The following SGCZ variants were observed in gnomAD, a reference collection of about 807,000 sequenced individuals.
SGCZ encodes the protein sarcoglycan zeta, also known as zeta-sarcoglycan.
SGCZ carries 40 observed loss-of-function variants against 41.3 expected under a neutral mutation model. The ratio of observed to expected loss-of-function variants is 0.97; its 90% confidence interval spans 0.75 to 1.26. The LOEUF (loss-of-function observed/expected upper bound fraction) is 1.26. Ranked by LOEUF, SGCZ falls within the 50% of genes most tolerant of loss-of-function variation. The probability of loss-of-function intolerance (pLI) is 0.00; values close to 1 mark genes in which losing one functional copy is unlikely to be tolerated. For missense variants in SGCZ, 552 were observed against 369.8 expected, an observed-to-expected ratio of 1.49 and a Z score of -4.04; for synonymous variants, 206 against 137.5, an observed-to-expected ratio of 1.50 and a Z score of -3.49.
chr8:14,346,653 T>C lies in SGCZ; in HGVS notation c.235-22449A>G, dbSNP rs181546141. Among the ~76,000 whole-genome samples, 32 of 152,128 alleles carry C rather than the reference T, an allele frequency of 2.1e-4. No individual in the cohort carries two copies. The East Asian group carries it at 5.6e-3, about 27-fold the overall frequency. ...AAATATCACATGGAAAGTTTTACAA[T>C]AAAACAAAATAAAACTGAAGCTGTT... is the stretch of plus-strand genomic sequence containing the variant. On this transcript the variant is annotated intron_variant, in intron 2 of 7. Transcript: ENST00000382080.
At chr8:14,571,567 A>T (rs556963034) in intron 1 of SGCZ, among the ~76,000 whole-genome samples, 7 of 151,750 alleles carry the variant, frequency 4.6e-5, no homozygotes, top group South Asian at 2.1e-4. Context: ...CAATGTATAA[A>T]TTTTTTTTTC....
chr8:14,145,802 G>A (rs1290750331), intron 5 of SGCZ, among the ~76,000 whole-genome samples: 2 of 152,096 alleles, frequency 1.3e-5, no homozygotes, highest in Non-Finnish European at 1.5e-5. Flanking sequence ...AATGTAACTG[G>A]CATACTGAAG....
At chr8:15,227,872 T>C (rs1390242850) in intron 1 of SGCZ, among the ~76,000 whole-genome samples, 1 of 152,218 alleles carries the variant, frequency 6.6e-6, no homozygotes, top group African/African-American at 2.4e-5. Context: ...ACTCTGAGCA[T>C]GTTCACAGAT....
chr8:14,895,245 C>G (rs1474349428), intron 1 of SGCZ, among the ~76,000 whole-genome samples: 3 of 152,056 alleles, frequency 2.0e-5, no homozygotes, highest in African/African-American at 7.2e-5. Context: ...CAAATCCTAC[C>G]TCTGCCATGT....
intron 2 of SGCZ, among the ~76,000 whole-genome samples, chr8:14,513,674 T>C (rs960171987): frequency 3.3e-5 from 5 of 152,038 alleles, no homozygotes; most frequent in African/African-American, 4.8e-5. Context: ...AGTGATTTAA[T>C]AGGAAATAAA....
At chr8:14,201,351 C>A (rs1469316978) in intron 4 of SGCZ, among the ~76,000 whole-genome samples, 1 of 152,050 alleles carries the variant, frequency 6.6e-6, no homozygotes. Context: ...TATCAAGAAT[C>A]ACCAAAAAAG....
chr8:14,271,974 A>G (rs555239369), intron 3 of SGCZ, among the ~76,000 whole-genome samples: 2 of 152,232 alleles, frequency 1.3e-5, no homozygotes, highest in South Asian at 2.1e-4. Flanking sequence ...ATTTTCATAT[A>G]TTGCATGCTT....
At chr8:14,255,031 G>A (rs1012430816) in intron 3 of SGCZ, among the ~76,000 whole-genome samples, 2 of 152,090 alleles carry the variant, frequency 1.3e-5, no homozygotes, top group South Asian at 4.1e-4. Flanking sequence ...CTCTTCCAAT[G>A]GGCATGGAGG....
chr8:15,212,239 T>G (rs1250753676), intron 1 of SGCZ, among the ~76,000 whole-genome samples: 1 of 152,142 alleles, frequency 6.6e-6, no homozygotes, highest in Admixed American at 6.6e-5. Context: ...CTTATAATGA[T>G]TTAGCTACTC....
At chr8:14,660,554 G>C (rs1176200985) in intron 1 of SGCZ, among the ~76,000 whole-genome samples, 1 of 101,154 alleles carries the variant, frequency 9.9e-6, no homozygotes, top group Non-Finnish European at 1.8e-5. Context: ...CTGGGCAACA[G>C]AGCAAAAACT....
chr8:15,180,173 C>A (rs549468), intron 1 of SGCZ, among the ~76,000 whole-genome samples: 77,311 of 151,910 alleles, frequency 0.51, 20,414 homozygotes, highest in Non-Finnish European at 0.58. Flanking sequence ...CCTCTCATCC[C>A]GCAAAACTAA....
At chr8:14,945,389 T>C (rs1342170044) in intron 1 of SGCZ, among the ~76,000 whole-genome samples, 3 of 152,270 alleles carry the variant, frequency 2.0e-5, no homozygotes, top group Admixed American at 6.5e-5. Flanking sequence ...TACTCAATTA[T>C]AACTTATAAG....
chr8:14,929,045 G>T (rs1457035219), intron 1 of SGCZ, among the ~76,000 whole-genome samples: 25 of 152,072 alleles, frequency 1.6e-4, no homozygotes, highest in Admixed American at 1.6e-3. Flanking sequence ...AGACTGGAGT[G>T]CAGTGGCATG....
At chr8:14,576,336 G>T (rs1804711236) in intron 1 of SGCZ, among the ~76,000 whole-genome samples, 1 of 152,116 alleles carries the variant, frequency 6.6e-6, no homozygotes, top group African/African-American at 2.4e-5. Context: ...CCTGAAGTGA[G>T]CCCTCTAAAG....
At position 14,637,489 on chromosome 8, in the gene SGCZ, A is replaced by T. The variant is rs534291564; in HGVS notation, c.40-82563T>A. On this transcript the variant is annotated intron_variant, in intron 1 of 7. Coordinates refer to ENST00000382080, the MANE Select transcript of SGCZ (RefSeq NM_139167.4). ...TCTCTCCCTCCTACCTGCCTCTAGC[A>T]GTCACCAGTATCTATTGTTCCCATC... Among the ~76,000 whole-genome samples, 18 of 151,862 alleles carry T rather than the reference A, an allele frequency of 1.2e-4. No individual in the cohort carries two copies. In the Admixed American group the frequency reaches 1.2e-3, roughly 10 times the overall value.
chr8:14,188,958 C>G (rs978758138), intron 4 of SGCZ, among the ~76,000 whole-genome samples: 2 of 151,392 alleles, frequency 1.3e-5, no homozygotes, highest in Admixed American at 1.3e-4. Context: ...CGGGTTCAAG[C>G]AATTCTTCTG....
At chr8:14,957,302 T>G (rs1800822666) in intron 1 of SGCZ, among the ~76,000 whole-genome samples, 1 of 152,104 alleles carries the variant, frequency 6.6e-6, no homozygotes, top group Non-Finnish European at 1.5e-5. Context: ...CTTTTTAAAT[T>G]TAATGGTTAC....
intron 3 of SGCZ, among the ~76,000 whole-genome samples, chr8:14,275,169 A>T (rs1800187383): frequency 6.6e-6 from 1 of 152,162 alleles, no homozygotes; most frequent in Admixed American, 6.6e-5. Flanking sequence ...AGTCAAATTT[A>T]GGTTAAGTAA....
At chr8:14,824,085 G>C (rs1290695245) in intron 1 of SGCZ, among the ~76,000 whole-genome samples, 2 of 152,066 alleles carry the variant, frequency 1.3e-5, no homozygotes, top group Non-Finnish European at 1.5e-5. Flanking sequence ...GGTTACCAGA[G>C]ACTAGGGAAG....
Sources: allele counts gnomAD v4.1 joint callset (sites outside exome capture counted in the v4.1 genomes callset), GRCh38; gene constraint gnomAD v4.1.1; transcripts MANE v1.5; gene names NCBI Gene and HGNC (gene_info 2026-07-23, HGNC 2026-07-21).